EDN1: variants seen among roughly 807,000 people sequenced by gnomAD.
EDN1 encodes endothelin-1.
EDN1 carries 11 observed loss-of-function variants against 21.7 expected under a neutral mutation model. The observed-to-expected ratio is 0.51, with a 90% CI of 0.32 to 0.84. The LOEUF is 0.84. Ranked by LOEUF, EDN1 falls within the 40% of genes least tolerant of loss-of-function variation. The pLI is 0.03. For synonymous variants in EDN1, 85 were observed against 90.6 expected (o/e 0.94, Z 0.35); for missense variants, 244 against 262.3 (o/e 0.93, Z 0.48).
chr6:12,256,789 A>G, the EDN1 span, among the ~76,000 whole-genome samples: 1 of 152,360 alleles, frequency 6.6e-6, no homozygotes, highest in African/African-American at 2.4e-5. Context: ...TCTTTGTAGA[A>G]TTGTTTGCAT....
At chr6:12,264,612 T>C in the EDN1 span, among the ~76,000 whole-genome samples, 1 of 152,070 alleles carries the variant, frequency 6.6e-6, no homozygotes, top group Non-Finnish European at 1.5e-5. Context: ...TAACGATAGC[T>C]GAGGAGCTAA....
the EDN1 span, among the ~76,000 whole-genome samples, chr6:12,248,330 C>T: frequency 6.6e-6 from 1 of 152,128 alleles, no homozygotes; most frequent in Non-Finnish European, 1.5e-5. Context: ...CTTCTAGCTT[C>T]CAGAACTGTG....
chr6:12,286,113 C>T (rs2113788222), upstream of EDN1, among the ~76,000 whole-genome samples: 1 of 152,046 alleles, frequency 6.6e-6, no homozygotes, highest in African/African-American at 2.4e-5. Context: ...CAGGTGGCAC[C>T]CAAATATGGT....
At chr6:12,237,341 A>G in the EDN1 span, among the ~76,000 whole-genome samples, 1 of 152,210 alleles carries the variant, frequency 6.6e-6, no homozygotes, top group Non-Finnish European at 1.5e-5. Flanking sequence ...ATCTCAAAAT[A>G]AAACCTTTTA....
the EDN1 span, among the ~76,000 whole-genome samples, chr6:12,235,631 G>A: frequency 2.0e-5 from 3 of 152,082 alleles, no homozygotes; most frequent in Non-Finnish European, 4.4e-5. Flanking sequence ...ACTTGAGATC[G>A]CTATTGGTTG....
At chr6:12,280,678 T>C in the EDN1 span, among the ~76,000 whole-genome samples, 137 of 152,290 alleles carry the variant, frequency 9.0e-4, no homozygotes, top group African/African-American at 3.1e-3. Flanking sequence ...ACGGATCGCC[T>C]GAGGTCAGGA....
the EDN1 span, among the ~76,000 whole-genome samples, chr6:12,251,433 T>G: frequency 1.3e-5 from 2 of 152,238 alleles, no homozygotes; most frequent in African/African-American, 2.4e-5. Flanking sequence ...ATACTTGCTA[T>G]TTCTGTCTCC....
the EDN1 span, among the ~76,000 whole-genome samples, chr6:12,275,423 T>C: frequency 6.6e-6 from 1 of 152,196 alleles, no homozygotes; most frequent in Non-Finnish European, 1.5e-5. Context: ...AAAATCCTCA[T>C]TAAAATAGAC....
chr6:12,252,196 T>G, the EDN1 span, among the ~76,000 whole-genome samples: 1 of 152,242 alleles, frequency 6.6e-6, no homozygotes, highest in East Asian at 1.9e-4. Context: ...CCATTTCATT[T>G]ACTAAAATCT....
chr6:12,264,379 A>G, the EDN1 span, among the ~76,000 whole-genome samples: 3 of 152,240 alleles, frequency 2.0e-5, no homozygotes, highest in African/African-American at 7.2e-5. Flanking sequence ...TGGGTTTCAG[A>G]TAATGGTTCT....
At chr6:12,248,891 A>T in the EDN1 span, among the ~76,000 whole-genome samples, 1 of 152,232 alleles carries the variant, frequency 6.6e-6, no homozygotes, top group Admixed American at 6.5e-5. Context: ...ACAGTGAAAA[A>T]AACTGTATAT....
chr6:12,239,077 C>T, the EDN1 span, among the ~76,000 whole-genome samples: 151 of 152,212 alleles, frequency 9.9e-4, no homozygotes, highest in Non-Finnish European at 1.7e-3. Context: ...GTTCCTGGCA[C>T]ACAGTGGGCC....
chr6:12,280,603 T>C, the EDN1 span, among the ~76,000 whole-genome samples: 4 of 152,194 alleles, frequency 2.6e-5, no homozygotes, highest in African/African-American at 9.6e-5. Flanking sequence ...CTGTAATAAA[T>C]GTAGTCCCTG....
At chr6:12,288,693 C>T (rs1295902123), upstream of EDN1, among the ~76,000 whole-genome samples, 1 of 152,148 alleles carries the variant, frequency 6.6e-6, no homozygotes, top group African/African-American at 2.4e-5. Context: ...TCCCTGTTCC[C>T]CCAGCTGTGA....
At chr6:12,249,897 A>G in the EDN1 span, among the ~76,000 whole-genome samples, 2 of 151,778 alleles carry the variant, frequency 1.3e-5, no homozygotes, top group Admixed American at 6.6e-5. Flanking sequence ...CAGACACCAG[A>G]GACTGCCAGA....
rs1160138017 is a variant in EDN1 at position 12,296,166 on chromosome 6, T to C, written c.*99T>C. On this transcript the variant is annotated 3_prime_UTR_variant, in exon 5 of 5. Transcript: ENST00000379375. ...GGCTGGGATCAGAGCAGGAGCATCC[T>C]CTGCTGGTTCCTGACTGGCAAAGGA... is the stretch of plus-strand genomic sequence containing the variant. 7.5e-6 allele frequency: 8 copies of C among 1,073,216 alleles called. No homozygotes were observed. Among genetic ancestry groups the C allele is most frequent in the Non-Finnish European group, 1.2e-5 (8 of 692,128 alleles). 66.5% of individuals were successfully genotyped at this position (1,073,216 alleles called of 1,614,324 possible). A position where few individuals can be genotyped will look rare whatever the true frequency, so the allele number is the denominator to read the frequency against.
the EDN1 span, among the ~76,000 whole-genome samples, chr6:12,248,338 G>A: frequency 9.2e-5 from 14 of 152,220 alleles, no homozygotes; most frequent in Admixed American, 8.5e-4. Flanking sequence ...TTCCAGAACT[G>A]TGTGAAAATA....
chr6:12,288,154 G>A (rs1443623565), upstream of EDN1, among the ~76,000 whole-genome samples: 4 of 152,086 alleles, frequency 2.6e-5, no homozygotes, highest in Non-Finnish European at 5.9e-5. Context: ...TATTGGGGAG[G>A]GCATGGGCGG....
chr6:12,256,662 C>A, the EDN1 span, among the ~76,000 whole-genome samples: 246 of 152,278 alleles, frequency 1.6e-3, 3 homozygotes, highest in African/African-American at 5.7e-3. Context: ...GTGATGCTGG[C>A]TGAGGTTTTC....
Sources: gnomAD v4.1 joint callset for allele counts (sites outside exome capture counted in the v4.1 genomes callset) on GRCh38, gnomAD v4.1.1 for gene constraint, MANE v1.5 for transcripts, NCBI Gene and HGNC (gene_info 2026-07-23, HGNC 2026-07-21) for gene names.